AUTS2: variants seen among roughly 807,000 people sequenced by gnomAD.
The protein encoded by AUTS2 is autism susceptibility gene 2 protein.
In AUTS2, 17 loss-of-function variants were observed where a neutral mutation model predicts 112.4. That is an observed-to-expected ratio of 0.15 (90% CI 0.10 to 0.23). The LOEUF (loss-of-function observed/expected upper bound fraction) is 0.23, where lower values mean the gene tolerates loss of function less well. AUTS2 is among the 10% of genes least tolerant of loss of function. The pLI, the probability that AUTS2 is intolerant of heterozygous loss-of-function variation, is 1.00. For missense variants in AUTS2, 1,510 were observed against 1,701.6 expected (o/e 0.89, Z 1.98); for synonymous variants, 751 against 702.7 (o/e 1.07, Z -1.09).
chr7:70,067,585 C>T (rs1470505892), intron 2 of AUTS2, among the ~76,000 whole-genome samples: 1 of 152,116 alleles, frequency 6.6e-6, no homozygotes, highest in Admixed American at 6.6e-5. Flanking sequence ...GTGGCTCACG[C>T]CTGTAATCCC....
At chr7:70,182,541 C>T (rs540609200) in intron 4 of AUTS2, among the ~76,000 whole-genome samples, 6 of 152,246 alleles carry the variant, frequency 3.9e-5, no homozygotes, top group South Asian at 2.1e-4. Flanking sequence ...ATAATCAAAT[C>T]GAACTGAATG....
intron 2 of AUTS2, among the ~76,000 whole-genome samples, chr7:69,983,836 A>C (rs918693564): frequency 3.3e-5 from 5 of 152,194 alleles, no homozygotes; most frequent in African/African-American, 1.2e-4. Context: ...TTTACTATCT[A>C]TACTAAATGT....
intron 1 of AUTS2, among the ~76,000 whole-genome samples, chr7:69,706,097 CTTG>C (rs1309405125): frequency 2.6e-5 from 4 of 152,208 alleles, no homozygotes; most frequent in Admixed American, 6.5e-5. Flanking sequence ...GCCTTTTCCT[CTTG>C]TTGTCTTTCT....
At chr7:70,228,452 C>T (rs927235248) in intron 4 of AUTS2, among the ~76,000 whole-genome samples, 3 of 150,798 alleles carry the variant, frequency 2.0e-5, no homozygotes, top group Admixed American at 1.3e-4. Context: ...GGATTTATGT[C>T]TCCATTTTGA....
chr7:70,342,365 C>T (rs1411522672), intron 4 of AUTS2, among the ~76,000 whole-genome samples: 3 of 150,306 alleles, frequency 2.0e-5, no homozygotes, highest in Non-Finnish European at 3.0e-5. Context: ...GCCAGAAGAT[C>T]GATGAGAAAA....
intron 1 of AUTS2, among the ~76,000 whole-genome samples, chr7:69,812,856 A>G (rs1266397324): frequency 6.6e-6 from 1 of 152,146 alleles, no homozygotes; most frequent in Non-Finnish European, 1.5e-5. Flanking sequence ...CTGAGTTGCC[A>G]TCATGTTTCA....
At chr7:69,957,512 T>G (rs1797263590) in intron 2 of AUTS2, among the ~76,000 whole-genome samples, 1 of 152,174 alleles carries the variant, frequency 6.6e-6, no homozygotes, top group Admixed American at 6.5e-5. Flanking sequence ...TTTGTGTCAT[T>G]CCTTATGTTT....
chr7:70,413,357 G>A (rs1302013540), intron 4 of AUTS2, among the ~76,000 whole-genome samples: 8 of 152,086 alleles, frequency 5.3e-5, no homozygotes, highest in Admixed American at 5.2e-4. Context: ...TTGCTGAAGG[G>A]GTCTACATTA....
chr7:69,952,047 G>A (rs1020603381), intron 2 of AUTS2, among the ~76,000 whole-genome samples: 14 of 152,038 alleles, frequency 9.2e-5, no homozygotes, highest in East Asian at 5.8e-4. Context: ...AGGTACCTTC[G>A]TTGCTAATTA....
At position 70,771,801 on chromosome 7, in the gene AUTS2, T is replaced by C. The variant is rs2293505; in HGVS notation, c.1830+157T>C. On this transcript the variant is annotated intron_variant, in intron 11 of 18. Transcript: ENST00000342771. ...AGAGTGAGCCTATTTTTCTTTTTTT[T>C]CCAAGTCCATCTAGTTTTAAATGGC... is the stretch of plus-strand genomic sequence containing the variant. Among the ~76,000 whole-genome samples the C allele has an allele frequency of 0.086, 13,102 of 152,274 alleles. 711 individuals carry two copies. Among genetic ancestry groups the C allele is most frequent in the East Asian group, 0.19 (972 of 5,182 alleles).
intron 1 of AUTS2, among the ~76,000 whole-genome samples, chr7:69,716,477 A>G (rs1353560437): frequency 2.0e-5 from 3 of 152,166 alleles, no homozygotes; most frequent in African/African-American, 7.2e-5. Context: ...GTGAAAAATC[A>G]AGGTGTTTTT....
chr7:70,673,646 G>A (rs751749319), intron 5 of AUTS2, among the ~76,000 whole-genome samples: 5 of 152,116 alleles, frequency 3.3e-5, no homozygotes, highest in African/African-American at 4.8e-5. Flanking sequence ...AAGGTGCTGG[G>A]ATTACAGATG....
At chr7:70,731,795 C>T (rs777042097) in intron 6 of AUTS2, among the ~76,000 whole-genome samples, 1 of 152,006 alleles carries the variant, frequency 6.6e-6, no homozygotes, top group Non-Finnish European at 1.5e-5. Context: ...TCTTCCTCCC[C>T]TTCCCCTCCG....
At chr7:69,983,784 A>T (rs1424145963) in intron 2 of AUTS2, among the ~76,000 whole-genome samples, 1 of 147,728 alleles carries the variant, frequency 6.8e-6, no homozygotes, top group Non-Finnish European at 1.5e-5. Context: ...CCATTCATAC[A>T]CTTATGTGAA....
At chr7:70,434,422 A>G (rs1795805818) in intron 4 of AUTS2, among the ~76,000 whole-genome samples, 1 of 152,168 alleles carries the variant, frequency 6.6e-6, no homozygotes, top group Non-Finnish European at 1.5e-5. Context: ...TTTCTGTTCA[A>G]AGCTATACCA....
At chr7:69,970,663 G>A (rs935253479) in intron 2 of AUTS2, among the ~76,000 whole-genome samples, 2 of 152,154 alleles carry the variant, frequency 1.3e-5, no homozygotes, top group Non-Finnish European at 2.9e-5. Flanking sequence ...GTCTGAGTCT[G>A]TTTTGCTGCT....
At chr7:69,933,780 CA>C (rs1399413112) in intron 2 of AUTS2, among the ~76,000 whole-genome samples, 2 of 152,162 alleles carry the variant, frequency 1.3e-5, no homozygotes, top group Non-Finnish European at 2.9e-5. Flanking sequence ...GTTGGGATTA[CA>C]GGTGTGAGCC....
At chr7:70,530,542 C>A (rs1800040786) in intron 5 of AUTS2, among the ~76,000 whole-genome samples, 1 of 152,120 alleles carries the variant, frequency 6.6e-6, no homozygotes, top group South Asian at 2.1e-4. Context: ...TGTAGAATTA[C>A]TTATGATGAT....
At chr7:70,047,050 T>C (rs1046083413) in intron 2 of AUTS2, among the ~76,000 whole-genome samples, 27 of 152,224 alleles carry the variant, frequency 1.8e-4, no homozygotes, top group Non-Finnish European at 2.9e-5. Flanking sequence ...ATAACAAGTC[T>C]TTTATGCAGT....
Sources: allele counts gnomAD v4.1 joint callset (sites outside exome capture counted in the v4.1 genomes callset), GRCh38; gene constraint gnomAD v4.1.1; transcripts MANE v1.5; gene names NCBI Gene and HGNC (gene_info 2026-07-23, HGNC 2026-07-21).